SPIDR: variants seen among roughly 807,000 people sequenced by gnomAD.
SPIDR encodes DNA repair-scaffolding protein.
SPIDR carries 93 observed loss-of-function variants against 104.6 expected under a neutral mutation model. That is an observed-to-expected ratio of 0.89 (90% confidence interval 0.75 to 1.06). SPIDR has a LOEUF of 1.06. Ranked by LOEUF, SPIDR falls within the 50% of genes least tolerant of loss-of-function variation. SPIDR has a pLI of 0.00. For missense variants in SPIDR, 1,154 were observed against 1,111.2 expected (o/e 1.04, Z -0.55); for synonymous variants, 431 against 416.9 (o/e 1.03, Z -0.41).
At chr8:47,326,167 G>GTATT (rs1171302610) in intron 5 of SPIDR, among the ~76,000 whole-genome samples, 8 of 151,962 alleles carry the variant, frequency 5.3e-5, no homozygotes, top group Non-Finnish European at 7.4e-5. Flanking sequence ...GCTCGTTTCT[G>GTATT]TATTTATTTA....
At chr8:47,279,682 A>G (rs993333445) in intron 1 of SPIDR, among the ~76,000 whole-genome samples, 180 bp from the exon 2 acceptor site, 8 of 151,904 alleles carry the variant, frequency 5.3e-5, no homozygotes, top group Admixed American at 2.6e-4. Flanking sequence ...TTGTGTTTCT[A>G]TGTTTTTGGC....
chr8:47,704,408 C>CA (rs1456066132), intron 14 of SPIDR, among the ~76,000 whole-genome samples: 1 of 152,182 alleles, frequency 6.6e-6, no homozygotes, highest in Non-Finnish European at 1.5e-5. Flanking sequence ...CTGATACACA[C>CA]AACCAAACCC....
At position 47,624,552 on chromosome 8, in the gene SPIDR, G is replaced by C. The variant is rs1326383857; in HGVS notation, c.1544+25356G>C. On this transcript the variant is annotated intron_variant, in intron 10 of 19. Coordinates refer to ENST00000297423, the MANE Select transcript of SPIDR (RefSeq NM_001080394.4). Reference sequence around the variant, plus strand: ...AGACGCAATAAAAAATGATAAAGGGGATATCACCACCGATCCCACAGAAAT... The same window carrying C: ...AGACGCAATAAAAAATGATAAAGGGCATATCACCACCGATCCCACAGAAAT... Among the ~76,000 whole-genome samples, 6 of 152,136 alleles carry C rather than the reference G, an allele frequency of 3.9e-5. No homozygotes were observed. In the East Asian group the frequency reaches 9.7e-4, roughly 25 times the overall value.
intron 5 of SPIDR, among the ~76,000 whole-genome samples, chr8:47,349,160 T>G (rs1156918215): frequency 6.6e-6 from 1 of 152,222 alleles, no homozygotes; most frequent in African/African-American, 2.4e-5. Flanking sequence ...TTTGTTGATG[T>G]TGATGCTATT....
chr8:47,266,129 C>A (rs376560607), intron 1 of SPIDR, among the ~76,000 whole-genome samples: 1 of 129,674 alleles, frequency 7.7e-6, no homozygotes, highest in Admixed American at 7.8e-5. Context: ...GTTTCTTTGT[C>A]TTTTTTTTTT....
chr8:47,700,704 C>T (rs1269909728), intron 12 of SPIDR, among the ~76,000 whole-genome samples: 2 of 152,232 alleles, frequency 1.3e-5, no homozygotes, highest in Non-Finnish European at 1.5e-5. Context: ...GCCTTCCCTA[C>T]TGTGCTGCAC....
chr8:47,685,415 C>T (rs2077623234), intron 11 of SPIDR, among the ~76,000 whole-genome samples: 1 of 151,900 alleles, frequency 6.6e-6, no homozygotes, highest in Non-Finnish European at 1.5e-5. Context: ...TTCCCCCACC[C>T]TACCCTTCAC....
intron 10 of SPIDR, among the ~76,000 whole-genome samples, chr8:47,627,402 T>TA (rs958009906): frequency 4.0e-5 from 6 of 150,872 alleles, no homozygotes; most frequent in East Asian, 3.9e-4. Context: ...AATAAAAATT[T>TA]AAAAAAAAAG....
chr8:47,386,380 G>GTT (rs1381132671), intron 5 of SPIDR, among the ~76,000 whole-genome samples: 1 of 152,062 alleles, frequency 6.6e-6, no homozygotes, highest in Non-Finnish European at 1.5e-5. Flanking sequence ...TCTACTTGAC[G>GTT]TAAGTATTCA....
At chr8:47,625,255 C>A (rs1466079287) in intron 10 of SPIDR, among the ~76,000 whole-genome samples, 10 of 152,184 alleles carry the variant, frequency 6.6e-5, no homozygotes, top group Non-Finnish European at 1.0e-4. Context: ...TAAGAGCTAT[C>A]TATGGCAAAC....
At chr8:47,723,470 C>T (rs1267014066) in intron 16 of SPIDR, among the ~76,000 whole-genome samples, 39 of 148,196 alleles carry the variant, frequency 2.6e-4, no homozygotes, top group Admixed American at 4.7e-4. Flanking sequence ...CGCTCTGTCG[C>T]CCAGGCTGGA....
chr8:47,346,514 A>G lies in SPIDR; in HGVS notation c.526-49862A>G, dbSNP rs185525713. Among the ~76,000 whole-genome samples the G allele has an allele frequency of 7.9e-5, 12 of 152,170 alleles. No individual in the cohort carries two copies. In the South Asian group the frequency reaches 1.2e-3, roughly 16 times the overall value. On this transcript the variant is annotated intron_variant, in intron 5 of 19. Transcript: ENST00000297423. ...ATTAGGGAGGATTCCCTCTTTTTCT[A>G]TTGATTGAAATAGTTTCAGAAGGAA...
chr8:47,520,413 C>T (rs2083883406), intron 8 of SPIDR, among the ~76,000 whole-genome samples: 1 of 152,084 alleles, frequency 6.6e-6, no homozygotes, highest in Non-Finnish European at 1.5e-5. Flanking sequence ...TAATTTTATG[C>T]TTGTATCAAG....
At chr8:47,489,872 A>C (rs982160100) in intron 8 of SPIDR, among the ~76,000 whole-genome samples, 27 of 152,184 alleles carry the variant, frequency 1.8e-4, no homozygotes, top group African/African-American at 4.3e-4. Context: ...TAAAGACTTA[A>C]ATGTTAGACC....
chr8:47,675,735 A>C (rs1000737881), intron 11 of SPIDR, among the ~76,000 whole-genome samples: 1 of 151,856 alleles, frequency 6.6e-6, no homozygotes, highest in African/African-American at 2.4e-5. Flanking sequence ...ATTGCTTGAA[A>C]CCTCGAGGCA....
rs587719664 is a variant in SPIDR, at chr8:47,297,353, G to A, written c.525+3323G>A. On this transcript the variant is annotated intron_variant, in intron 5 of 19. Transcript: ENST00000297423. Reference sequence around the variant, plus strand: ...GGCAGCTGTGGGCTTGTTACATATGGCCTTTATTGTGTATAAACACAATAT... The same window carrying A: ...GGCAGCTGTGGGCTTGTTACATATGACCTTTATTGTGTATAAACACAATAT... 3.1e-3 allele frequency among the ~76,000 whole-genome samples: 478 copies of A among 152,146 alleles called. 1 individual carries two copies. Among genetic ancestry groups the A allele is most frequent in the African/African-American group, 0.011 (442 of 41,502 alleles).
At chr8:47,353,647 C>T (rs887116886) in intron 5 of SPIDR, among the ~76,000 whole-genome samples, 1 of 151,698 alleles carries the variant, frequency 6.6e-6, no homozygotes, top group Non-Finnish European at 1.5e-5. Flanking sequence ...CTGAAAATCC[C>T]TTATTATATT....
chr8:47,365,239 G>A (rs1214807453), intron 5 of SPIDR, among the ~76,000 whole-genome samples: 3 of 152,108 alleles, frequency 2.0e-5, no homozygotes, highest in African/African-American at 2.4e-5. Context: ...CCACATTCAC[G>A]TGGTCCAAGT....
At chr8:47,287,599 T>C (rs2039104741) in intron 3 of SPIDR, among the ~76,000 whole-genome samples, 1 of 152,172 alleles carries the variant, frequency 6.6e-6, no homozygotes, top group Admixed American at 6.5e-5. Flanking sequence ...TATTCCTTGC[T>C]GGGAAAAGAA....
Sources: gnomAD v4.1 joint callset for allele counts (sites outside exome capture counted in the v4.1 genomes callset) on GRCh38, gnomAD v4.1.1 for gene constraint, MANE v1.5 for transcripts, NCBI Gene and HGNC (gene_info 2026-07-23, HGNC 2026-07-21) for gene names.